ADAMTSL1: variants seen among roughly 807,000 people sequenced by gnomAD.
ADAMTSL1 encodes ADAMTS-like protein 1.
Under a neutral mutation model 201.8 loss-of-function variants are expected in ADAMTSL1, and 126 were observed. The ratio of observed to expected loss-of-function variants is 0.62; its 90% CI spans 0.54 to 0.72. The LOEUF is 0.72. ADAMTSL1 is among the 30% of genes least tolerant of loss of function. The pLI is 0.00. For synonymous variants in ADAMTSL1, 1,121 were observed against 903.4 expected, an observed-to-expected ratio of 1.24 and a Z score of -4.32; for missense variants, 2,679 against 2,277.8, an observed-to-expected ratio of 1.18 and a Z score of -3.59.
chr9:17,989,846 C>G (rs1216369424), intron 1 of ADAMTSL1, among the ~76,000 whole-genome samples: 1 of 149,392 alleles, frequency 6.7e-6, no homozygotes, highest in Non-Finnish European at 1.5e-5. Context: ...TTTTAGCATG[C>G]AAAGAAAGGT....
At chr9:18,533,441 A>G in intron 3 of ADAMTSL1, 149 bp downstream of exon 3, 1 of 488,002 alleles carries the variant, frequency 2.0e-6, no homozygotes. Context: ...GCAGGACTAA[A>G]ATGATATTTT....
chr9:18,021,982 A>G (rs1586907123), intron 1 of ADAMTSL1, among the ~76,000 whole-genome samples: 1 of 152,156 alleles, frequency 6.6e-6, no homozygotes, highest in Non-Finnish European at 1.5e-5. Context: ...CCTCAGCTCT[A>G]TAAAAGTGGT....
Position 18,662,046 on chromosome 9 carries a change from A to G in ADAMTSL1, c.1058A>G (p.Glu353Gly). 1 of 1,613,994 alleles carries G rather than the reference A, an allele frequency of 6.2e-7. No individual in the cohort carries two copies. ...ENIKPKPKLQECNLDPCPASD... is the reference protein window; with the variant it reads ...ENIKPKPKLQGCNLDPCPASD... Reference sequence around the variant, plus strand: ...ATCAAACCCAAACCCAAGCTTCAGGAGTGCAACTTGGATCCTTGTCCAGCC... The same window carrying G: ...ATCAAACCCAAACCCAAGCTTCAGGGGTGCAACTTGGATCCTTGTCCAGCC... Residue 353 changes from glutamate (E) to glycine (G), a missense_variant, in exon 9 of 29, where the codon GAG (glutamate) becomes GGG (glycine). By Grantham distance (98) the Glu-to-Gly change is moderately conservative. Transcript: ENST00000380548.
chr9:18,514,319 TTTTCTTTC>T (rs202026152), intron 2 of ADAMTSL1, among the ~76,000 whole-genome samples: 1 of 143,582 alleles, frequency 7.0e-6, no homozygotes, highest in Non-Finnish European at 1.5e-5. Flanking sequence ...TGCAACTGAT[TTTTCTTTC>T]TTTTTTTTTT....
intron 11 of ADAMTSL1, 114 bp from the exon 12 acceptor site, chr9:18,681,698 G>GTGTGGGC (rs66675938): frequency 3.1e-6 from 1 of 322,690 alleles, no homozygotes. Context: ...GTCCTCGTGT[G>GTGTGGGC]GGGGGGGGGG....
intron 15 of ADAMTSL1, among the ~76,000 whole-genome samples, chr9:18,745,581 C>T (rs1484045619): frequency 6.6e-6 from 1 of 152,150 alleles, no homozygotes; most frequent in African/African-American, 2.4e-5. Context: ...AAGATCTGGG[C>T]ACTCGATTTG....
chr9:18,646,137 T>C (rs1256117329), intron 7 of ADAMTSL1, among the ~76,000 whole-genome samples: 2 of 151,826 alleles, frequency 1.3e-5, no homozygotes, highest in African/African-American at 4.8e-5. Context: ...AGGTATTTTA[T>C]TCTTTTTGAA....
rs754566534 is a variant in ADAMTSL1, at chr9:18,588,884, C to CATATAT, written c.474+14632_474+14637dup. ...GCTTTGTGCCATATATATACATATA[C>CATATAT]ATATATATATATATATATACATATA... On this transcript the variant is annotated intron_variant, in intron 4 of 28. Coordinates refer to ENST00000380548, the MANE Select transcript of ADAMTSL1 (RefSeq NM_001040272.6). Among the ~76,000 whole-genome samples, 384 of 122,834 alleles carry CATATAT rather than the reference C, an allele frequency of 3.1e-3. 7 individuals carry two copies. Among genetic ancestry groups the CATATAT allele is most frequent in the African/African-American group, 9.4e-3 (318 of 33,800 alleles). 80.6% of individuals were successfully genotyped at this position (122,834 alleles called of 152,430 possible). A position where few individuals can be genotyped will look rare whatever the true frequency, so the allele number is the denominator to read the frequency against.
intron 1 of ADAMTSL1, among the ~76,000 whole-genome samples, chr9:18,032,348 C>T (rs916592248): frequency 6.6e-6 from 1 of 152,190 alleles, no homozygotes; most frequent in Non-Finnish European, 1.5e-5. Flanking sequence ...TGGGACTTAG[C>T]CCACAGCTTT....
chr9:17,975,015 C>A (rs1040289754), intron 1 of ADAMTSL1, among the ~76,000 whole-genome samples: 1 of 151,880 alleles, frequency 6.6e-6, no homozygotes, highest in Non-Finnish European at 1.5e-5. Flanking sequence ...TTTTTCACAT[C>A]CTCCCCAAAA....
At chr9:18,605,872 A>G (rs916558431) in intron 4 of ADAMTSL1, among the ~76,000 whole-genome samples, 7 of 152,184 alleles carry the variant, frequency 4.6e-5, no homozygotes, top group African/African-American at 1.7e-4. Flanking sequence ...TCCTTGCGTC[A>G]CGCTTGACCC....
At chr9:18,800,037 A>C (rs563848560) in intron 20 of ADAMTSL1, among the ~76,000 whole-genome samples, 1 of 152,248 alleles carries the variant, frequency 6.6e-6, no homozygotes, top group South Asian at 2.1e-4. Flanking sequence ...CCTAGTCAAC[A>C]ATACAAAGGC....
intron 1 of ADAMTSL1, among the ~76,000 whole-genome samples, chr9:18,021,422 G>A (rs1820476618): frequency 6.6e-6 from 1 of 152,070 alleles, no homozygotes; most frequent in Admixed American, 6.6e-5. Flanking sequence ...CCTGTAATTT[G>A]GGGCTGTCTG....
At chr9:18,548,785 C>G (rs1432028485) in intron 3 of ADAMTSL1, among the ~76,000 whole-genome samples, 1 of 151,472 alleles carries the variant, frequency 6.6e-6, no homozygotes, top group Non-Finnish European at 1.5e-5. Context: ...GGAGTAAAGA[C>G]AGAAATAAAG....
chr9:18,472,075 G>T (rs1821236974), upstream of ADAMTSL1, among the ~76,000 whole-genome samples: 1 of 152,190 alleles, frequency 6.6e-6, no homozygotes, highest in Admixed American at 6.5e-5. Context: ...TGAAGAGGGA[G>T]GAGGTGGTAT....
chr9:18,890,874 C>T (rs938702121), intron 25 of ADAMTSL1: 3 of 283,622 alleles, frequency 1.1e-5, no homozygotes, highest in African/African-American at 2.2e-5. Context: ...CTTTGATGTG[C>T]CAGGAACTTT....
intron 3 of ADAMTSL1, among the ~76,000 whole-genome samples, chr9:18,542,605 C>T (rs1405922892): frequency 3.3e-5 from 5 of 152,106 alleles, no homozygotes; most frequent in Non-Finnish European, 7.4e-5. Flanking sequence ...GGCTGCCTTC[C>T]ACAAGCCAAG....
intron 4 of ADAMTSL1, among the ~76,000 whole-genome samples, chr9:18,578,575 C>G (rs1822887135): frequency 6.6e-6 from 1 of 152,318 alleles, no homozygotes; most frequent in Middle Eastern, 3.4e-3. Flanking sequence ...GAGCAAGTTC[C>G]TAAGCCTCAG....
At chr9:18,426,822 A>G (rs1819243606) in intron 2 of ADAMTSL1, among the ~76,000 whole-genome samples, 1 of 152,206 alleles carries the variant, frequency 6.6e-6, no homozygotes, top group Admixed American at 6.5e-5. Context: ...TATGCTCGTA[A>G]TCTGAAACGA....
Sources: gnomAD v4.1 joint callset for allele counts (sites outside exome capture counted in the v4.1 genomes callset) on GRCh38, gnomAD v4.1.1 for gene constraint, MANE v1.5 for transcripts, NCBI Gene and HGNC (gene_info 2026-07-23, HGNC 2026-07-21) for gene names.